Variants in ZNF3 observed in about 807,000 individuals in gnomAD.
ZNF3 encodes the protein zinc finger protein 3, also known as C2-H2 type zinc finger protein.
A neutral mutation model predicts 36.9 loss-of-function variants in ZNF3; 16 were observed. The ratio of observed to expected loss-of-function variants is 0.43; its 90% CI spans 0.29 to 0.66. ZNF3 has a LOEUF of 0.66. Among genes scored for constraint, ZNF3 ranks in the 30% least tolerant of loss-of-function variants. The probability of loss-of-function intolerance (pLI) is 0.13; values close to 1 mark genes in which losing one functional copy is unlikely to be tolerated. For missense variants in ZNF3, 462 were observed against 543.1 expected (o/e 0.85, Z 1.48); for synonymous variants, 201 against 201.9 (o/e 1.00, Z 0.04).
At chr7:100,064,628 C>T (rs375646703) in exon 6 of ZNF3, 3 of 1,608,332 alleles carry the variant, frequency 1.9e-6, no homozygotes, top group Non-Finnish European at 2.5e-6. Context: ...CTTTCAAGCG[C>T]TCCTGTTGTT....
intron 2 of ZNF3, among the ~76,000 whole-genome samples, chr7:100,078,452 C>T (rs1179808454): frequency 2.7e-5 from 4 of 149,394 alleles, no homozygotes; most frequent in African/African-American, 7.4e-5. Flanking sequence ...GCCGAGATCA[C>T]GCCACTGCAC....
Position 100,070,960 on chromosome 7 carries a change from C to G in ZNF3, c.*183G>C. On this transcript the variant is annotated 3_prime_UTR_variant, in exon 6 of 6. Coordinates refer to ENST00000299667, the MANE Select transcript of ZNF3 (RefSeq NM_032924.5). ...CTATTCCCAGCACGCCATCCACTTGCCTTGACGCTTTCTAAGGCTGGTGTG... is the reference window on the plus strand; with the variant it reads ...CTATTCCCAGCACGCCATCCACTTGGCTTGACGCTTTCTAAGGCTGGTGTG... The G allele has an allele frequency of 1.0e-5, 14 of 1,402,920 alleles. No individual in the cohort carries two copies. Among genetic ancestry groups the G allele is most frequent in the Non-Finnish European group, 1.2e-5 (13 of 1,084,284 alleles). The allele number at this position is 1,402,920 out of a possible 1,614,324, so 86.9% of individuals were successfully genotyped here.
chr7:100,081,853 G>A (rs1234738208), upstream of ZNF3: 1 of 152,588 alleles, frequency 6.6e-6, no homozygotes. The surrounding 1 kb of genome is among the most constrained non-coding windows in gnomAD (Gnocchi z 4.3). Flanking sequence ...TGCTGACTCA[G>A]GGCGGCTGGC....
chr7:100,064,197 C>T (rs1792508212), exon 6 of ZNF3: 2 of 1,613,998 alleles, frequency 1.2e-6, no homozygotes, highest in Admixed American at 3.3e-5. Flanking sequence ...GGCCCTATGA[C>T]TGTAAGTGTG....
Position 100,071,728 on chromosome 7 carries a change from C to G in ZNF3, c.756G>C (p.Gly252=). Residue 252 remains glycine, a synonymous_variant, in exon 6 of 6, where the codon GGG becomes GGC. Transcript: ENST00000299667. ...AATCACTACATTCATAAGGTTTTTC[C>G]CCAGTGTGGATTCTCTGATGCTGAA... ...HLIQHQRIHT[G]EKPYECSDCG... 6.2e-7 allele frequency: 1 copy of G among 1,600,816 alleles called. No homozygotes were observed. The highest frequency in any genetic ancestry group is 8.5e-7 in the Non-Finnish European group (1 of 1,176,136).
chr7:100,071,439 A>G lies in ZNF3; in HGVS notation c.1045T>C (p.Phe349Leu). 1 of 1,614,178 alleles carries G rather than the reference A, an allele frequency of 6.2e-7. No homozygotes were observed. Residue 349 changes from phenylalanine to leucine, a missense_variant, in exon 6 of 6, where the codon TTC (phenylalanine) becomes CTC (leucine). Transcript: ENST00000299667. Reference sequence around the variant, plus strand: ...TGATAGAGGTGTGAGCTCTGGCTGAAGGCTTTCCCACATTCATTACATTCA... The same window carrying G: ...TGATAGAGGTGTGAGCTCTGGCTGAGGGCTTTCCCACATTCATTACATTCA... ...PYECNECGKA[F>L]SQSSHLYQHQ...
Position 100,072,288 on chromosome 7 carries a change from TAA to T in ZNF3, c.272-78_272-77del, listed in dbSNP as rs1412736590. 2.3e-6 allele frequency: 3 copies of T among 1,323,332 alleles called. No individual in the cohort carries two copies. The African/African-American group carries it at 4.4e-5, about 19-fold the overall frequency. The allele number at this position is 1,323,332 out of a possible 1,614,324, so 82.0% of individuals were successfully genotyped here. ...TGAAAATCACAGGACAGGATCATTG[TAA>T]CGAATACTTACAGTGCCAAAAGCAC... On this transcript the variant is annotated intron_variant, in intron 5 of 5. Transcript: ENST00000299667.
intron 2 of ZNF3, 50 bp from the exon 3 acceptor site, chr7:100,077,483 G>C (rs1199285690): frequency 9.8e-6 from 15 of 1,533,314 alleles, no homozygotes; most frequent in Non-Finnish European, 1.3e-5. Context: ...AAAACCTCCT[G>C]AATACAGAAA....
downstream of ZNF3, among the ~76,000 whole-genome samples, chr7:100,068,230 G>A (rs1389147341): frequency 6.6e-6 from 1 of 152,118 alleles, no homozygotes; most frequent in Non-Finnish European, 1.5e-5. Flanking sequence ...GGGATTACAG[G>A]CATGTGCCAC....
chr7:100,067,350 T>C (rs1209834838), downstream of ZNF3, among the ~76,000 whole-genome samples: 1 of 152,228 alleles, frequency 6.6e-6, no homozygotes, highest in Non-Finnish European at 1.5e-5. Context: ...TAACACACGC[T>C]GAGTCTGCTG....
downstream of ZNF3, among the ~76,000 whole-genome samples, chr7:100,065,973 C>T (rs550823385): frequency 1.3e-5 from 2 of 149,250 alleles, no homozygotes; most frequent in Non-Finnish European, 3.0e-5. Flanking sequence ...TTTCTTAGTA[C>T]GTTACTCTAG....
At chr7:100,065,636 C>A (rs1186779518), downstream of ZNF3, among the ~76,000 whole-genome samples, 1 of 151,698 alleles carries the variant, frequency 6.6e-6, no homozygotes, top group Non-Finnish European at 1.5e-5. Context: ...CAGTTCCATT[C>A]AGGGTGTGGT....
At chr7:100,075,384 G>T (rs761229314) in intron 4 of ZNF3, 123 bp from the exon 5 acceptor site, 1 of 1,560,774 alleles carries the variant, frequency 6.4e-7, no homozygotes, top group Admixed American at 1.7e-5. Flanking sequence ...GGACAGGGTG[G>T]AGGAAGAGAG....
rs1793920927 is a variant in ZNF3 at position 100,075,392 on chromosome 7, G to GA, written c.145-132dup. 1.6e-5 allele frequency: 24 copies of GA among 1,546,690 alleles called. No homozygotes were observed. The East Asian group carries it at 5.0e-4, about 32-fold the overall frequency. The stretch of plus-strand genomic sequence containing the variant: ...GAAGGGAGGACAGGGTGGAGGAAGA[G>GA]AGACAGGAGTCCAAGATAGAAGGTG... On this transcript the variant is annotated intron_variant, in intron 4 of 5. Coordinates refer to ENST00000299667, the MANE Select transcript of ZNF3 (RefSeq NM_032924.5).
Position 100,077,443 on chromosome 7 carries a change from CA to C in ZNF3, c.-76-11del. On this transcript the variant is annotated splice_polypyrimidine_tract_variant and intron_variant, in intron 2 of 5. Coordinates refer to ENST00000299667, the MANE Select transcript of ZNF3 (RefSeq NM_032924.5). ...AGAGAATGAGGAAGCACTGCAGAAG[CA>C]AAAGTTCAAGGTTCAAAGATAATTC... 1 of 1,605,644 alleles carries C rather than the reference CA, an allele frequency of 6.2e-7. No individual in the cohort carries two copies.
Position 100,081,357 on chromosome 7 carries a change from T to G in ZNF3, c.-198+278A>C, listed in dbSNP as rs563545550. Among the ~76,000 whole-genome samples the G allele has an allele frequency of 1.3e-5, 2 of 152,394 alleles. No individual in the cohort carries two copies. Among genetic ancestry groups the G allele is most frequent in the East Asian group, 3.9e-4 (2 of 5,190 alleles). On this transcript the variant is annotated intron_variant, in intron 1 of 5. Coordinates refer to ENST00000299667, the MANE Select transcript of ZNF3 (RefSeq NM_032924.5). This position sits in a 1 kb window ranked among gnomAD's most constrained non-coding sequence, Gnocchi z 4.3. ...CAAGAGAGAGGCGCCCCTACCGCTC[T>G]GCTGAAACTTTTAAACGCTCCAGCT... is the stretch of plus-strand genomic sequence containing the variant.
In ZNF3 at chr7:100,071,692, G is replaced by A. The variant is rs748981875; in HGVS notation, c.792C>T (p.Thr264=). The A allele has an allele frequency of 1.9e-6, 3 of 1,613,618 alleles. No individual in the cohort carries two copies. The African/African-American group carries it at 4.0e-5, about 22-fold the overall frequency. ...GAATGAGGGCAGAGCTACAGCTGAA[G>A]GTTTTCCCACAATCACTACATTCAT... The part of the protein sequence containing the change: ...KPYECSDCGK[T]FSCSSALILH... Residue 264 remains threonine, a synonymous_variant, in exon 6 of 6, where the codon ACC becomes ACT. Transcript: ENST00000299667.
chr7:100,064,977 A>G (rs1338330955), downstream of ZNF3: 3 of 1,593,576 alleles, frequency 1.9e-6, no homozygotes, highest in African/African-American at 1.4e-5. Context: ...TTTAATTTGT[A>G]AAGAATTGAG....
chr7:100,064,526 A>G, exon 6 of ZNF3: 1 of 1,614,212 alleles, frequency 6.2e-7, no homozygotes, highest in Non-Finnish European at 8.5e-7. Context: ...GAAAAGCCCT[A>G]CTGGTGTCAT....
Sources: gnomAD v4.1 joint callset for allele counts (sites outside exome capture counted in the v4.1 genomes callset) on GRCh38, gnomAD v4.1.1 for gene constraint, Gnocchi (gnomAD v3.1) non-coding constraint, MANE v1.5 for transcripts, NCBI Gene and HGNC (gene_info 2026-07-23, HGNC 2026-07-21) for gene names.